Variants in EFNA5 observed in about 807,000 individuals in gnomAD.
EFNA5 encodes ephrin-A5.
A neutral mutation model predicts 22.9 loss-of-function variants in EFNA5; 5 were observed. That is an observed-to-expected ratio of 0.22 (90% confidence interval 0.11 to 0.46). EFNA5 has a LOEUF of 0.46. Ranked by LOEUF, EFNA5 falls within the 20% of genes least tolerant of loss-of-function variation. The pLI is 0.99. For missense variants in EFNA5, 237 were observed against 293.3 expected (o/e 0.81, Z 1.40); for synonymous variants, 113 against 112.2 (o/e 1.01, Z -0.04).
At chr5:107,405,145 A>T (rs1748174697) in intron 2 of EFNA5, among the ~76,000 whole-genome samples, 1 of 152,210 alleles carries the variant, frequency 6.6e-6, no homozygotes, top group African/African-American at 2.4e-5. Context: ...GCCATGAAAG[A>T]AGACATTTCC....
rs1380532305 is a variant in EFNA5 at position 107,591,889 on chromosome 5, TATTATATATAATATATAATATAAAAAATA to T, written c.125+78571_125+78599del. On this transcript the variant is annotated intron_variant, in intron 1 of 4. Transcript: ENST00000333274. Reference sequence around the variant, plus strand: ...ATATATATATAATATATAATATATATATTATATATAATATATAATATAAAAAATATATATATAATATATAATATATATAT... The same window carrying T: ...ATATATATATAATATATAATATATATTATATATAATATATAATATATATAT... 5.4e-4 allele frequency among the ~76,000 whole-genome samples: 12 copies of T among 22,228 alleles called. 4 individuals are homozygous for T. The highest frequency in any genetic ancestry group is 3.3e-3 in the African/African-American group (10 of 3,052). The allele number at this position is 22,228 out of a possible 152,430, so 14.6% of individuals were successfully genotyped here.
intron 1 of EFNA5, among the ~76,000 whole-genome samples, chr5:107,427,717 A>G (rs1055454098): frequency 6.6e-6 from 1 of 152,076 alleles, no homozygotes; most frequent in African/African-American, 2.4e-5. Flanking sequence ...AGATTCCATT[A>G]TATTTGTTTC....
intron 1 of EFNA5, among the ~76,000 whole-genome samples, chr5:107,524,606 T>C (rs1407335044): frequency 6.6e-6 from 1 of 152,164 alleles, no homozygotes; most frequent in Non-Finnish European, 1.5e-5. Context: ...CCATACTGAA[T>C]ATAGGAGAAA....
At position 107,450,267 on chromosome 5, in the gene EFNA5, G is replaced by A. The variant is rs149652241; in HGVS notation, c.126-22758C>T. ...CCTGGGACCTCCACGTGTTTGTTTA[G>A]GATTCCAAAGGCAAAGTTTTTTTGC... On this transcript the variant is annotated intron_variant, in intron 1 of 4. Transcript: ENST00000333274. Among the ~76,000 whole-genome samples the A allele has an allele frequency of 5.3e-5, 8 of 152,176 alleles. No homozygotes were observed. In the East Asian group the frequency reaches 1.5e-3, roughly 29 times the overall value.
chr5:107,556,855 G>A (rs1268745348), intron 1 of EFNA5, among the ~76,000 whole-genome samples: 1 of 151,826 alleles, frequency 6.6e-6, no homozygotes, highest in South Asian at 2.1e-4. Context: ...CTGAACAAAT[G>A]CCCTCATAAA....
chr5:107,564,103 G>C (rs1206496333), intron 1 of EFNA5, among the ~76,000 whole-genome samples: 1 of 152,118 alleles, frequency 6.6e-6, no homozygotes, highest in Non-Finnish European at 1.5e-5. Flanking sequence ...GCAGGGGCTG[G>C]GCAGGAGCTA....
intron 1 of EFNA5, among the ~76,000 whole-genome samples, chr5:107,641,068 TA>T (rs1750499620): frequency 6.6e-6 from 1 of 151,818 alleles, no homozygotes; most frequent in Admixed American, 6.6e-5. Flanking sequence ...TGGATATGAT[TA>T]AAAATAGGCT....
intron 1 of EFNA5, among the ~76,000 whole-genome samples, chr5:107,543,180 CT>C (rs1321639832): frequency 2.6e-5 from 4 of 152,110 alleles, no homozygotes; most frequent in Non-Finnish European, 4.4e-5. Flanking sequence ...GCTGATACAT[CT>C]GTGCACACTC....
intron 1 of EFNA5, among the ~76,000 whole-genome samples, chr5:107,577,876 C>A (rs1418223767): frequency 6.6e-6 from 1 of 152,126 alleles, no homozygotes; most frequent in African/African-American, 2.4e-5. Flanking sequence ...AGGGATAAAC[C>A]TTTTTTGGAG....
At chr5:107,413,512 T>C (rs142023833) in intron 2 of EFNA5, among the ~76,000 whole-genome samples, 237 of 152,294 alleles carry the variant, frequency 1.6e-3, no homozygotes, top group Non-Finnish European at 2.0e-3. Flanking sequence ...AAATAGAATA[T>C]TACAGGAACT....
intron 1 of EFNA5, among the ~76,000 whole-genome samples, chr5:107,572,720 CCATT>C (rs979231704): frequency 6.6e-6 from 1 of 152,170 alleles, no homozygotes; most frequent in Non-Finnish European, 1.5e-5. Context: ...TTTTGCACTT[CCATT>C]GTTTTTTTAC....
Position 107,387,784 on chromosome 5 carries a change from CAG to C in EFNA5, c.419-15_419-14del, listed in dbSNP as rs747697726. ...GGGATTGCAGAGGCTGTGGGTAACA[CAG>C]AGAGAGAGCAGGAAAGAAAGAAGAG... On this transcript the variant is annotated splice_polypyrimidine_tract_variant and intron_variant, in intron 2 of 4. Transcript: ENST00000333274. 8.2e-6 allele frequency: 13 copies of C among 1,588,340 alleles called. No homozygotes were observed. The highest frequency in any genetic ancestry group is 5.4e-5 in the African/African-American group (4 of 73,996).
At chr5:107,508,438 A>G (rs1043386221) in intron 1 of EFNA5, among the ~76,000 whole-genome samples, 1 of 152,178 alleles carries the variant, frequency 6.6e-6, no homozygotes, top group Non-Finnish European at 1.5e-5. Flanking sequence ...GTAAAACACT[A>G]TTTCCATCTG....
At chr5:107,402,410 A>C (rs989434889) in intron 2 of EFNA5, among the ~76,000 whole-genome samples, 1 of 152,226 alleles carries the variant, frequency 6.6e-6, no homozygotes, top group African/African-American at 2.4e-5. Flanking sequence ...CCATACCACA[A>C]AACAAAGGCT....
chr5:107,644,177 C>T (rs371397745), intron 1 of EFNA5, among the ~76,000 whole-genome samples: 3 of 152,108 alleles, frequency 2.0e-5, no homozygotes, highest in South Asian at 2.1e-4. Flanking sequence ...AAGATGCAGG[C>T]GGAAGGTTTT....
At chr5:107,399,718 C>T (rs1299750892) in intron 2 of EFNA5, among the ~76,000 whole-genome samples, 1 of 152,164 alleles carries the variant, frequency 6.6e-6, no homozygotes, top group East Asian at 1.9e-4. Context: ...GAACATAACC[C>T]CCCAAACTGT....
At chr5:107,460,129 G>C (rs1214836678) in intron 1 of EFNA5, among the ~76,000 whole-genome samples, 2 of 152,158 alleles carry the variant, frequency 1.3e-5, no homozygotes, top group African/African-American at 4.8e-5. Flanking sequence ...TGCTAATCAA[G>C]AGGTAGGGAC....
intron 1 of EFNA5, among the ~76,000 whole-genome samples, chr5:107,643,939 T>C (rs1313084101): frequency 6.6e-6 from 1 of 151,968 alleles, no homozygotes; most frequent in East Asian, 1.9e-4. Flanking sequence ...TGTGTGAAAA[T>C]TAGAAAGACT....
chr5:107,438,608 T>C (rs562561833), intron 1 of EFNA5, among the ~76,000 whole-genome samples: 1 of 152,262 alleles, frequency 6.6e-6, no homozygotes, highest in East Asian at 1.9e-4. Flanking sequence ...CTACCTGACA[T>C]CCAGTCTCTG....
Sources: gnomAD v4.1 joint callset for allele counts (sites outside exome capture counted in the v4.1 genomes callset) on GRCh38, gnomAD v4.1.1 for gene constraint, MANE v1.5 for transcripts, NCBI Gene and HGNC (gene_info 2026-07-23, HGNC 2026-07-21) for gene names.